The following TMEM255B variants were observed in gnomAD, a reference collection of about 807,000 sequenced individuals.
TMEM255B encodes family with sequence similarity 70, member B.
TMEM255B carries 35 observed loss-of-function variants against 34.5 expected under a neutral mutation model. The ratio of observed to expected loss-of-function variants is 1.01; its 90% CI spans 0.77 to 1.34. The LOEUF is 1.34. Among genes scored for constraint, TMEM255B ranks in the 40% most tolerant of loss-of-function variants. The pLI, the probability that TMEM255B is intolerant of heterozygous loss-of-function variation, is 0.00. For missense variants in TMEM255B, 432 were observed against 433.2 expected (o/e 1.00, Z 0.02); for synonymous variants, 206 against 201.2 (o/e 1.02, Z -0.20).
chr13:113,807,577 G>A (rs569640052), intron 8 of TMEM255B, among the ~76,000 whole-genome samples: 1 of 126,560 alleles, frequency 7.9e-6, no homozygotes, highest in Admixed American at 8.2e-5. Context: ...AGGCTTACGG[G>A]ATGTGGGGGT....
intron 2 of TMEM255B, chr13:113,768,075 GT>G (rs2050418427): frequency 2.4e-6 from 1 of 410,454 alleles, no homozygotes; most frequent in Admixed American, 2.8e-5. Flanking sequence ...AAGAAGTCCG[GT>G]TTCCAGTGCA....
At chr13:113,759,984 G>A (rs1033910927) in intron 1 of TMEM255B, among the ~76,000 whole-genome samples, 3 of 152,186 alleles carry the variant, frequency 2.0e-5, no homozygotes, top group East Asian at 3.8e-4. Flanking sequence ...GGGCTCTGCC[G>A]GGAAGTGGCC....
intron 3 of TMEM255B, among the ~76,000 whole-genome samples, chr13:113,774,520 C>A (rs1472128977): frequency 2.0e-5 from 3 of 151,652 alleles, no homozygotes; most frequent in African/African-American, 7.3e-5. Context: ...ACGACACACT[C>A]CACACAGTAC....
intron 3 of TMEM255B, among the ~76,000 whole-genome samples, chr13:113,776,158 T>G (rs1416982746): frequency 6.6e-6 from 1 of 152,108 alleles, no homozygotes; most frequent in Non-Finnish European, 1.5e-5. Flanking sequence ...TCAAAGATGC[T>G]GCCACCTGAA....
intron 3 of TMEM255B, among the ~76,000 whole-genome samples, chr13:113,772,145 T>A (rs1594626293): frequency 6.6e-6 from 1 of 152,238 alleles, no homozygotes; most frequent in East Asian, 1.9e-4. Flanking sequence ...CATATGTTCT[T>A]GGAGAAATGT....
chr13:113,783,269 G>A (rs2050692559), intron 3 of TMEM255B, among the ~76,000 whole-genome samples: 1 of 152,180 alleles, frequency 6.6e-6, no homozygotes, highest in South Asian at 2.1e-4. Flanking sequence ...CGAGGGGACA[G>A]GTGATCACGT....
intron 8 of TMEM255B, among the ~76,000 whole-genome samples, chr13:113,810,655 TG>T (rs376403288): frequency 3.9e-5 from 6 of 152,156 alleles, no homozygotes; most frequent in African/African-American, 1.4e-4. Flanking sequence ...CCTAGGCCAC[TG>T]GGGCAGAGTC....
rs199768717 is a variant in TMEM255B, at chr13:113,811,917, T to C, written c.*14T>C. 7 of 1,554,936 alleles carry C rather than the reference T, an allele frequency of 4.5e-6. No individual in the cohort carries two copies. The highest frequency in any genetic ancestry group is 2.2e-5 in the Admixed American group (1 of 46,122). ...TACGCACCCTGATAGAGGCGTGGAG[T>C]AAAAGATAACTTGTTTGTTTTTTTT... is the stretch of plus-strand genomic sequence containing the variant. On this transcript the variant is annotated 3_prime_UTR_variant, in exon 9 of 9. Coordinates refer to ENST00000375353, the MANE Select transcript of TMEM255B (RefSeq NM_182614.4).
intron 4 of TMEM255B, among the ~76,000 whole-genome samples, chr13:113,798,646 T>G (rs2050986241): frequency 6.7e-6 from 1 of 149,734 alleles, no homozygotes; most frequent in Non-Finnish European, 1.5e-5. Context: ...TGGATGGATG[T>G]GGATGAATGG....
intron 3 of TMEM255B, among the ~76,000 whole-genome samples, chr13:113,775,720 A>C (rs1404706523): frequency 6.6e-6 from 1 of 152,080 alleles, no homozygotes; most frequent in Non-Finnish European, 1.5e-5. Flanking sequence ...AGGCGGCCAC[A>C]CTCGCTGGGC....
chr13:113,766,546 G>A, intron 2 of TMEM255B: 1 of 480,946 alleles, frequency 2.1e-6, no homozygotes, highest in East Asian at 4.0e-5. Flanking sequence ...TGGTCACAGG[G>A]TGACCAGAGG....
chr13:113,811,714 G>A, intron 8 of TMEM255B, 22 bp from the exon 9 acceptor site: 1 of 1,612,846 alleles, frequency 6.2e-7, no homozygotes, highest in East Asian at 2.2e-5. Context: ...TGCTAACCCA[G>A]GGCCCTCTCT....
chr13:113,763,837 T>C (rs1336465293), intron 1 of TMEM255B, among the ~76,000 whole-genome samples: 1 of 152,250 alleles, frequency 6.6e-6, no homozygotes, highest in East Asian at 1.9e-4. Flanking sequence ...CAACGAGGGT[T>C]GGCTTTTAGT....
chr13:113,801,742 C>T lies in TMEM255B; in HGVS notation c.599C>T (p.Ala200Val), dbSNP rs1271935074. The change falls in exon 7 of 9, where the codon GCA becomes GTA. Residue 200 changes from alanine to valine, a missense_variant. Coordinates refer to ENST00000375353, the MANE Select transcript of TMEM255B (RefSeq NM_182614.4). The part of the protein sequence containing the change: ...LHLYRLLWAS[A>V]VLNVLGLFLG... ...CTGTACCGCCTGCTCTGGGCCTCTGCAGTTCTGAACGTCCTGGGCCTGTTC... is the reference window on the plus strand; with the variant it reads ...CTGTACCGCCTGCTCTGGGCCTCTGTAGTTCTGAACGTCCTGGGCCTGTTC... 1.9e-6 allele frequency: 3 copies of T among 1,613,036 alleles called. No individual in the cohort carries two copies. The highest frequency in any genetic ancestry group is 2.2e-5 in the East Asian group (1 of 44,876).
At chr13:113,775,039 C>T (rs1429736270) in intron 3 of TMEM255B, among the ~76,000 whole-genome samples, 2 of 103,064 alleles carry the variant, frequency 1.9e-5, no homozygotes, top group Non-Finnish European at 4.1e-5. Context: ...ACATGACACA[C>T]ATTGCACACA....
rs559409567 is a variant in TMEM255B at position 113,807,527 on chromosome 13, G to T, written c.813+2499G>T. The stretch of plus-strand genomic sequence containing the variant: ...AGGGTGGTCCTCCCTGTCACACGCA[G>T]GCTTACGGGATGTGGGGGGTAGTCC... On this transcript the variant is annotated intron_variant, in intron 8 of 8. Transcript: ENST00000375353. Among the ~76,000 whole-genome samples the T allele has an allele frequency of 6.1e-4, 81 of 133,372 alleles. 1 individual carries two copies. The Middle Eastern group carries it at 0.012, about 20-fold the overall frequency. 87.5% of individuals were successfully genotyped at this position (133,372 alleles called of 152,430 possible).
chr13:113,765,374 T>C (rs1411694539), intron 1 of TMEM255B, among the ~76,000 whole-genome samples: 2 of 152,208 alleles, frequency 1.3e-5, no homozygotes, highest in African/African-American at 4.8e-5. Context: ...ATTGCAGAAG[T>C]GTAAATCTTC....
chr13:113,782,349 TTAATA>T (rs149292170), intron 3 of TMEM255B, among the ~76,000 whole-genome samples: 140 of 152,352 alleles, frequency 9.2e-4, no homozygotes, highest in African/African-American at 3.3e-3. Flanking sequence ...GTAGTTTAAT[TTAATA>T]TAACTTTAGA....
Position 113,813,343 on chromosome 13 carries a change from C to T in TMEM255B, c.*1440C>T, listed in dbSNP as rs1337079280. ...CTCACGTCCCTCCCTGCAAAGCCCC[C>T]CGTGCCTACGATAAACAAGTACCGC... On this transcript the variant is annotated 3_prime_UTR_variant, in exon 9 of 9. Transcript: ENST00000375353. 11 of 152,278 alleles carry T rather than the reference C, an allele frequency of 7.2e-5. No individual in the cohort carries two copies. The highest frequency in any genetic ancestry group is 5.9e-4 in the Admixed American group (9 of 15,290). 9.4% of individuals were successfully genotyped at this position (152,278 alleles called of 1,614,324 possible). A position where few individuals can be genotyped will look rare whatever the true frequency, so the allele number is the denominator to read the frequency against.
Sources: gnomAD v4.1 joint callset for allele counts (sites outside exome capture counted in the v4.1 genomes callset) on GRCh38, gnomAD v4.1.1 for gene constraint, MANE v1.5 for transcripts, NCBI Gene and HGNC (gene_info 2026-07-23, HGNC 2026-07-21) for gene names.